The following PCNX2 variants were observed in gnomAD, a reference collection of about 807,000 sequenced individuals.
The protein encoded by PCNX2 is pecanex 2.
A neutral mutation model predicts 223.8 loss-of-function variants in PCNX2; 168 were observed. The ratio of observed to expected loss-of-function variants is 0.75; its 90% CI spans 0.66 to 0.85. The LOEUF is 0.85. Among genes scored for constraint, PCNX2 ranks in the 40% least tolerant of loss-of-function variants. The pLI, the probability that PCNX2 is intolerant of heterozygous loss-of-function variation, is 0.00. For missense variants in PCNX2, 2,507 were observed against 2,675.5 expected, an observed-to-expected ratio of 0.94 and a Z score of 1.39; for synonymous variants, 1,006 against 1,052.6, an observed-to-expected ratio of 0.96 and a Z score of 0.86.
chr1:233,136,684 C>T (rs1039525879), intron 20 of PCNX2, among the ~76,000 whole-genome samples: 3 of 152,116 alleles, frequency 2.0e-5, no homozygotes, highest in South Asian at 2.1e-4. Context: ...TTTTCCAGTG[C>T]GCAACTAATG....
upstream of PCNX2, among the ~76,000 whole-genome samples, chr1:233,298,707 G>T (rs1662209362): frequency 6.6e-6 from 1 of 152,120 alleles, no homozygotes; most frequent in African/African-American, 2.4e-5. Flanking sequence ...TGGCCAACAT[G>T]ATGAAACCCC....
rs182724142 is a variant in PCNX2, at chr1:233,203,191, C to T, written c.2864-2927G>A. On this transcript the variant is annotated intron_variant, in intron 13 of 33. Coordinates refer to ENST00000258229, the MANE Select transcript of PCNX2 (RefSeq NM_014801.4). ...TCCAGACCCCATACAGGCCATGTGG[C>T]TACACACTCCTCTGGGCATGCTCTA... 5.3e-5 allele frequency among the ~76,000 whole-genome samples: 8 copies of T among 152,272 alleles called. 1 individual carries two copies. In the East Asian group the frequency reaches 1.4e-3, roughly 26 times the overall value.
At chr1:233,125,458 C>G (rs1436736906) in intron 21 of PCNX2, among the ~76,000 whole-genome samples, 1 of 152,206 alleles carries the variant, frequency 6.6e-6, no homozygotes, top group Non-Finnish European at 1.5e-5. Flanking sequence ...AAAACACTCA[C>G]ATGCACCAGT....
chr1:233,292,999 A>G (rs1481539229), intron 1 of PCNX2, among the ~76,000 whole-genome samples: 1 of 152,166 alleles, frequency 6.6e-6, no homozygotes, highest in African/African-American at 2.4e-5. Flanking sequence ...AAATTTTGAG[A>G]TTTAGCTGAA....
At position 233,134,918 on chromosome 1, in the gene PCNX2, T is replaced by G. The variant is rs1425345981; in HGVS notation, c.3837+95A>C. ...TTCAATTTCATATCCTCCCATAATT[T>G]TTTTTATAAAGAATAAGTTTTAAAC... On this transcript the variant is annotated intron_variant, in intron 21 of 33. Transcript: ENST00000258229. 4 of 1,100,370 alleles carry G rather than the reference T, an allele frequency of 3.6e-6. No homozygotes were observed. In the African/African-American group the frequency reaches 6.4e-5, roughly 18 times the overall value. The allele number at this position is 1,100,370 out of a possible 1,614,324, so 68.2% of individuals were successfully genotyped here.
intron 25 of PCNX2, among the ~76,000 whole-genome samples, chr1:233,033,423 TC>T (rs772314456): frequency 1.3e-5 from 2 of 152,226 alleles, no homozygotes; most frequent in Non-Finnish European, 2.9e-5. Flanking sequence ...CAGATTTCAC[TC>T]CGGGCTTTCC....
intron 15 of PCNX2, among the ~76,000 whole-genome samples, chr1:233,190,664 T>C (rs992135617): frequency 6.6e-6 from 1 of 152,116 alleles, no homozygotes; most frequent in African/African-American, 2.4e-5. Context: ...AGCACCCCAG[T>C]TTCAACTGGT....
At chr1:233,038,241 T>A (rs368438932) in intron 25 of PCNX2, among the ~76,000 whole-genome samples, 11 of 152,176 alleles carry the variant, frequency 7.2e-5, no homozygotes, top group Non-Finnish European at 1.5e-4. Flanking sequence ...AGCATAAGAA[T>A]AAGAAATGTT....
chr1:233,174,661 A>C (rs892308308), intron 17 of PCNX2, among the ~76,000 whole-genome samples: 1 of 151,988 alleles, frequency 6.6e-6, no homozygotes, highest in Admixed American at 6.5e-5. Flanking sequence ...TTTTGTTTCT[A>C]GGAACTGAAG....
intron 24 of PCNX2, 118 bp from the exon 25 acceptor site, chr1:233,054,601 A>ATTT (rs1394516760): frequency 1.3e-6 from 1 of 791,384 alleles, no homozygotes; most frequent in Non-Finnish European, 2.0e-6. Flanking sequence ...ATATACATAA[A>ATTT]AGAGGAAAGA....
chr1:232,999,653 C>T (rs955094984), intron 30 of PCNX2: 14 of 352,878 alleles, frequency 4.0e-5, no homozygotes, highest in East Asian at 6.8e-5. Flanking sequence ...GGGGTTTCTC[C>T]GTGTTGGTCA....
chr1:233,260,614 G>C (rs1659994842), intron 4 of PCNX2, among the ~76,000 whole-genome samples: 1 of 152,002 alleles, frequency 6.6e-6, no homozygotes, highest in African/African-American at 2.4e-5. Context: ...TTCATTTTAG[G>C]GGTTCAGGGC....
chr1:233,224,621 C>T (rs74147306), intron 10 of PCNX2, among the ~76,000 whole-genome samples: 5,403 of 152,230 alleles, frequency 0.035, 322 homozygotes, highest in African/African-American at 0.12. Flanking sequence ...GGGGATTATG[C>T]TCTCCTTGCA....
intron 19 of PCNX2, among the ~76,000 whole-genome samples, chr1:233,143,810 A>G (rs1246538825): frequency 6.6e-6 from 1 of 152,052 alleles, no homozygotes; most frequent in African/African-American, 2.4e-5. Context: ...CTGTTTCCTA[A>G]ACCAGCCAGA....
intron 13 of PCNX2, among the ~76,000 whole-genome samples, chr1:233,206,504 G>C (rs1356310089): frequency 1.3e-5 from 2 of 152,026 alleles, no homozygotes; most frequent in Non-Finnish European, 2.9e-5. Context: ...AAGAATGACA[G>C]AAGGCCTTTC....
At chr1:233,133,381 G>A (rs1676616794) in intron 21 of PCNX2, among the ~76,000 whole-genome samples, 1 of 152,184 alleles carries the variant, frequency 6.6e-6, no homozygotes, top group African/African-American at 2.4e-5. Flanking sequence ...TAGAAAAATG[G>A]GATAAGTTAA....
chr1:233,079,185 AC>A (rs1296975213), intron 23 of PCNX2, among the ~76,000 whole-genome samples: 1 of 152,168 alleles, frequency 6.6e-6, no homozygotes, highest in African/African-American at 2.4e-5. Flanking sequence ...ACTTAGTGAC[AC>A]AGAATTATGG....
chr1:233,189,089 T>A (rs531878895), intron 15 of PCNX2, among the ~76,000 whole-genome samples: 1 of 152,176 alleles, frequency 6.6e-6, no homozygotes, highest in Non-Finnish European at 1.5e-5. Context: ...ATAGACATTA[T>A]TGATTTGATT....
Position 232,994,529 on chromosome 1 carries a change from G to A in PCNX2, c.5791+3722C>T, listed in dbSNP as rs139928119. On this transcript the variant is annotated intron_variant, in intron 32 of 33. Transcript: ENST00000258229. ...TTGTCTCAGATGAGACTTTGGATTT[G>A]GACTTTTGAGTTAATGTTGGAATGA... 5.1e-3 allele frequency among the ~76,000 whole-genome samples: 773 copies of A among 152,290 alleles called. 4 individuals are homozygous for A. The highest frequency in any genetic ancestry group is 0.018 in the African/African-American group (750 of 41,558).
Sources: gnomAD v4.1 joint callset for allele counts (sites outside exome capture counted in the v4.1 genomes callset) on GRCh38, gnomAD v4.1.1 for gene constraint, MANE v1.5 for transcripts, NCBI Gene and HGNC (gene_info 2026-07-23, HGNC 2026-07-21) for gene names.